PPEF1: variants seen among roughly 807,000 people sequenced by gnomAD.
The protein encoded by PPEF1 is protein phosphatase with EF-hand domain 1.
A neutral mutation model predicts 53.3 loss-of-function variants in PPEF1; 12 were observed. The ratio of observed to expected loss-of-function variants is 0.23; its 90% CI spans 0.14 to 0.36. PPEF1 has a LOEUF of 0.36. Ranked by LOEUF, PPEF1 falls within the 10% of genes least tolerant of loss-of-function variation. The pLI is 1.00. For synonymous variants in PPEF1, 165 were observed against 176.7 expected (o/e 0.93, Z 0.52); for missense variants, 334 against 490.4 (o/e 0.68, Z 3.01).
intron 12 of PPEF1, 65 bp downstream of exon 12, chrX:18,806,610 T>A: frequency 2.0e-6 from 2 of 1,017,883 alleles, no homozygotes; most frequent in Non-Finnish European, 2.6e-6. Flanking sequence ...CAGTCCCACG[T>A]GACTAAGAGC....
At chrX:18,714,047 A>G (rs765375881) in intron 1 of PPEF1, among the ~76,000 whole-genome samples, 3 of 111,327 alleles carry the variant, frequency 2.7e-5, no homozygotes, top group Non-Finnish European at 3.8e-5. Context: ...AGGTGATTAG[A>G]TATGAAATTA....
chrX:18,734,105 GTAGCT>G (rs903393605), intron 3 of PPEF1, among the ~76,000 whole-genome samples: 1 of 103,972 alleles, frequency 9.6e-6, no homozygotes, highest in Non-Finnish European at 2.0e-5. Context: ...GTACACAACA[GTAGCT>G]TAGTAAAGGG....
chrX:18,780,056 G>A (rs1392383066), intron 7 of PPEF1, among the ~76,000 whole-genome samples: 1 of 112,063 alleles, frequency 8.9e-6, no homozygotes, highest in Non-Finnish European at 1.9e-5. Flanking sequence ...ATATAATATA[G>A]CTTGATACTT....
chrX:18,733,171 A>T (rs1054806317), intron 2 of PPEF1, among the ~76,000 whole-genome samples: 3 of 111,879 alleles, frequency 2.7e-5, no homozygotes, highest in East Asian at 5.6e-4. Context: ...GTGCCATTGC[A>T]TTCCAGTCTG....
chrX:18,823,284 C>T (rs1268744499), intron 13 of PPEF1, among the ~76,000 whole-genome samples: 1 of 111,728 alleles, frequency 9.0e-6, no homozygotes, highest in Non-Finnish European at 1.9e-5. Context: ...GTGAATAATA[C>T]ATCTTTTATT....
intron 12 of PPEF1, among the ~76,000 whole-genome samples, chrX:18,812,258 G>A (rs558466799): frequency 2.7e-5 from 3 of 111,542 alleles, no homozygotes; most frequent in African/African-American, 9.8e-5. Flanking sequence ...TTTCCTTCTT[G>A]GCACTCTTGT....
intron 11 of PPEF1, 101 bp downstream of exon 11, chrX:18,804,178 T>A: frequency 1.3e-6 from 1 of 772,153 alleles, no homozygotes; most frequent in Non-Finnish European, 1.8e-6. Context: ...TGAGAAGATG[T>A]CTTCTCTAGT....
intron 6 of PPEF1, among the ~76,000 whole-genome samples, chrX:18,701,326 C>T (rs1052414334): frequency 8.9e-6 from 1 of 112,038 alleles, no homozygotes; most frequent in Non-Finnish European, 1.9e-5. Context: ...CTTTGGGAAG[C>T]CCCAGACAAA....
At chrX:18,823,427 C>A (rs777092704) in intron 13 of PPEF1, among the ~76,000 whole-genome samples, 21 of 109,732 alleles carry the variant, frequency 1.9e-4, no homozygotes, top group Non-Finnish European at 3.0e-4. Flanking sequence ...GAGTTCAAGA[C>A]CAGCCTGGCC....
At chrX:18,827,130 T>G (rs1465698306) in intron 15 of PPEF1, 146 bp from the exon 16 acceptor site, 6 of 461,163 alleles carry the variant, frequency 1.3e-5, no homozygotes, top group Non-Finnish European at 2.2e-5. Context: ...TTTATGATCT[T>G]ACTCTTCCAT....
intron 3 of PPEF1, among the ~76,000 whole-genome samples, chrX:18,738,884 A>C (rs1057255521): frequency 2.7e-5 from 3 of 111,477 alleles, no homozygotes; most frequent in African/African-American, 6.5e-5. Context: ...TTTGATCTTC[A>C]ATCACTGATA....
rs1193219726 is a variant in PPEF1, at chrX:18,806,994, GT to G, written c.1394+457del. Reference sequence around the variant, plus strand: ...TCCCTTTAACATTATCTTTCTAAGTGTTTTTTTTGGTTTTTTTTTTGTTTGT... The same window carrying G: ...TCCCTTTAACATTATCTTTCTAAGTGTTTTTTTGGTTTTTTTTTTGTTTGT... On this transcript the variant is annotated intron_variant, in intron 12 of 15. Transcript: ENST00000470157. Among the ~76,000 whole-genome samples, 39 of 52,755 alleles carry G rather than the reference GT, an allele frequency of 7.4e-4. No homozygotes were observed. In the East Asian group the frequency reaches 9.1e-3, roughly 12 times the overall value. The allele number at this position is 52,755 out of a possible 115,157, so 45.8% of individuals were successfully genotyped here.
upstream of PPEF1, among the ~76,000 whole-genome samples, chrX:18,675,632 C>T (rs1297120024): frequency 1.8e-5 from 2 of 112,377 alleles, no homozygotes; most frequent in African/African-American, 6.5e-5. Context: ...TAGACGGGGC[C>T]ACCCGTCTAT....
At chrX:18,689,681 T>A (rs1261149396) in intron 3 of PPEF1, among the ~76,000 whole-genome samples, 1 of 109,493 alleles carries the variant, frequency 9.1e-6, no homozygotes, top group Non-Finnish European at 1.9e-5. Context: ...TTTGACAAGA[T>A]CCCTAGGTGA....
At chrX:18,692,038 G>A in intron 4 of PPEF1, among the ~76,000 whole-genome samples, 1 of 111,538 alleles carries the variant, frequency 9.0e-6, no homozygotes, top group Non-Finnish European at 1.9e-5. Context: ...TGCCTCTATA[G>A]CTTTACTCTA....
At chrX:18,756,744 A>T (rs1048146243) in intron 4 of PPEF1, among the ~76,000 whole-genome samples, 2 of 112,704 alleles carry the variant, frequency 1.8e-5, no homozygotes, top group Non-Finnish European at 1.9e-5. Context: ...AATTATTTTC[A>T]TAATAATTTT....
In PPEF1 at chrX:18,767,091, A is replaced by G. The variant is rs1183408996; in HGVS notation, c.558+5515A>G. ...AAAGAAAAGAAAATTAAAAGACAGAACTATAAAAATGAGATAAAAACTGAA... is the reference window on the plus strand; with the variant it reads ...AAAGAAAAGAAAATTAAAAGACAGAGCTATAAAAATGAGATAAAAACTGAA... On this transcript the variant is annotated intron_variant, in intron 6 of 15. Coordinates refer to ENST00000470157, the MANE Select transcript of PPEF1 (RefSeq NM_001377996.1). Among the ~76,000 whole-genome samples the G allele has an allele frequency of 7.2e-5, 8 of 111,729 alleles. No homozygotes were observed. The Admixed American group carries it at 7.6e-4, about 11-fold the overall frequency.
chrX:18,719,937 G>T (rs137994194), intron 1 of PPEF1, among the ~76,000 whole-genome samples: 1,207 of 112,013 alleles, frequency 0.011, 18 homozygotes, highest in African/African-American at 0.035. Flanking sequence ...CACTTCTACA[G>T]TAGAGAAGTT....
At chrX:18,825,590 T>C (rs1317997419) in intron 14 of PPEF1, among the ~76,000 whole-genome samples, 161 bp from the exon 15 acceptor site, 3 of 112,312 alleles carry the variant, frequency 2.7e-5, no homozygotes, top group African/African-American at 9.7e-5. Context: ...ACAGACTGAA[T>C]GAAGAGGGTG....
Sources: gnomAD v4.1 joint callset for allele counts (sites outside exome capture counted in the v4.1 genomes callset) on GRCh38, gnomAD v4.1.1 for gene constraint, MANE v1.5 for transcripts, NCBI Gene and HGNC (gene_info 2026-07-23, HGNC 2026-07-21) for gene names.